DNAH3: variants seen among roughly 807,000 people sequenced by gnomAD.
The protein encoded by DNAH3 is axonemal beta dynein heavy chain 3.
In DNAH3, 332 loss-of-function variants were observed where a neutral mutation model predicts 432.5. That is an observed-to-expected ratio of 0.77 (90% CI 0.70 to 0.84). The LOEUF (loss-of-function observed/expected upper bound fraction) is 0.84. Ranked by LOEUF, DNAH3 falls within the 40% of genes least tolerant of loss-of-function variation. The pLI is 0.00. For synonymous variants in DNAH3, 1,956 were observed against 1,900.2 expected (o/e 1.03, Z -0.76); for missense variants, 4,861 against 5,114.0 (o/e 0.95, Z 1.51).
In DNAH3 at chr16:21,062,698, A is replaced by T. The variant is rs1490788087; in HGVS notation, c.3519-15T>A. 6.2e-7 allele frequency: 1 copy of T among 1,603,456 alleles called. No homozygotes were observed. Among genetic ancestry groups the T allele is most frequent in the Non-Finnish European group, 8.5e-7 (1 of 1,173,522 alleles). On this transcript the variant is annotated splice_polypyrimidine_tract_variant and intron_variant, in intron 24 of 61. Coordinates refer to ENST00000261383, the Ensembl canonical transcript of DNAH3. Reference sequence around the variant, plus strand: ...GGAAGAAGAATCTATTTCAAAGCAAAGAAAGATGGTAACTGGAACCTCTTC... The same window carrying T: ...GGAAGAAGAATCTATTTCAAAGCAATGAAAGATGGTAACTGGAACCTCTTC...
intron 1 of DNAH3, among the ~76,000 whole-genome samples, chr16:21,148,062 G>A (rs1008450201): frequency 8.5e-5 from 13 of 152,114 alleles, no homozygotes; most frequent in African/African-American, 2.2e-4. Context: ...AGCCAACATC[G>A]TATCAGTGTG....
chr16:21,017,609 C>T (rs2087924110), intron 41 of DNAH3, among the ~76,000 whole-genome samples: 1 of 152,192 alleles, frequency 6.6e-6, no homozygotes, highest in African/African-American at 2.4e-5. Context: ...CGTGCTCTGG[C>T]CACCTTGGGC....
rs1249324512 is a variant in DNAH3 at position 21,048,852 on chromosome 16, C to T, written c.4461+717G>A. 2.6e-5 allele frequency among the ~76,000 whole-genome samples: 4 copies of T among 152,046 alleles called. No individual in the cohort carries two copies. In the East Asian group the frequency reaches 5.8e-4, roughly 22 times the overall value. On this transcript the variant is annotated intron_variant, in intron 31 of 61. Coordinates refer to ENST00000261383, the Ensembl canonical transcript of DNAH3. ...GGGGTTACAGGCACTCACCACCATG[C>T]CCAGCTGATTTTTATATTTTTAGTA...
intron 55 of DNAH3, 116 bp from the exon 56 acceptor site, chr16:20,952,665 G>C (rs1308010141): frequency 2.9e-6 from 2 of 697,214 alleles, no homozygotes; most frequent in East Asian, 5.3e-5. Flanking sequence ...TCAGGCTCAT[G>C]AATATCAAGC....
intron 58 of DNAH3, among the ~76,000 whole-genome samples, chr16:20,942,676 T>A (rs1192681225): frequency 6.6e-6 from 1 of 152,138 alleles, no homozygotes; most frequent in Admixed American, 6.5e-5. Flanking sequence ...TGGCTCTGGT[T>A]CTGGCTCCGT....
Position 21,064,863 on chromosome 16 carries a change from GTGTGTGTGTGTGTGTGT to G in DNAH3, c.3519-2197_3519-2181del, listed in dbSNP as rs2090487828. 7.5e-5 allele frequency among the ~76,000 whole-genome samples: 5 copies of G among 66,532 alleles called. No individual in the cohort carries two copies. In the South Asian group the frequency reaches 1.8e-3, roughly 24 times the overall value. The allele number at this position is 66,532 out of a possible 152,430, so 43.6% of individuals were successfully genotyped here. A position where few individuals can be genotyped will look rare whatever the true frequency, so the allele number is the denominator to read the frequency against. ...AAAATGCATAAATATTGAGGTAGGT[GTGTGTGTGTGTGTGTGT>G]GTGTGTGTGTGTGTGTGTGTGTTTA... On this transcript the variant is annotated intron_variant, in intron 24 of 61. Coordinates refer to ENST00000261383, the Ensembl canonical transcript of DNAH3.
intron 12 of DNAH3, among the ~76,000 whole-genome samples, chr16:21,113,123 G>A (rs1333673910): frequency 1.3e-5 from 2 of 152,092 alleles, no homozygotes; most frequent in Admixed American, 6.6e-5. Flanking sequence ...GAAATGTGAG[G>A]ACATGAGATT....
intron 26 of DNAH3, 148 bp downstream of exon 26, chr16:21,060,116 G>C (rs1252700344): frequency 2.3e-5 from 15 of 658,884 alleles, no homozygotes; most frequent in Admixed American, 2.3e-5. Context: ...TTGCCCCAGG[G>C]TTCACAAGTG....
At chr16:21,121,955 C>A (rs1337226384) in exon 10 of DNAH3, 1 of 1,610,370 alleles carries the variant, frequency 6.2e-7, no homozygotes, top group Admixed American at 1.7e-5. Context: ...CTTGGGGATC[C>A]CATTAGAGTT....
Position 21,062,467 on chromosome 16 carries a change from G to T in DNAH3, c.3720+15C>A. 1.9e-6 allele frequency: 3 copies of T among 1,612,256 alleles called. No homozygotes were observed. The highest frequency in any genetic ancestry group is 2.5e-6 in the Non-Finnish European group (3 of 1,178,406). On this transcript the variant is annotated intron_variant, in intron 25 of 61. Transcript: ENST00000261383. ...GTTATGGAGAAAAGAACCAAAAATG[G>T]GTAAGAGGAGTTACCTTGGCATTAG...
chr16:20,963,803 C>T lies in DNAH3; in HGVS notation c.10081G>A (p.Val3361Met), dbSNP rs553011109. 764 of 1,613,966 alleles carry T rather than the reference C, an allele frequency of 4.7e-4. 13 individuals carry two copies. In the South Asian group the frequency reaches 7.9e-3, roughly 17 times the overall value. ...TCCTTCTCAAACAGAGAACGGCACA[C>T]GTTGTTGTAGATGCTCAGGGTGAAA... The change falls in exon 53 of 62, where the codon GTG (valine) becomes ATG (methionine). Residue 3361 changes from valine (V) to methionine (M), a missense_variant. By Grantham distance (21) the Val-to-Met change is conservative (BLOSUM62 1). Transcript: ENST00000261383.
chr16:21,040,358 ATTTTT>A lies in DNAH3; in HGVS notation c.4639-420_4639-416del, dbSNP rs55797285. Among the ~76,000 whole-genome samples the A allele has an allele frequency of 6.1e-4, 49 of 79,742 alleles. 6 individuals carry two copies. Among genetic ancestry groups the A allele is most frequent in the African/African-American group, 2.4e-3 (42 of 17,758 alleles). The allele number at this position is 79,742 out of a possible 152,430, so 52.3% of individuals were successfully genotyped here. ...TCAGAAGAATCCCAAAGCCAGACAGATTTTTTTTTTTTTTTTTTTTTTTTTTTTAA... is the reference window on the plus strand; with the variant it reads ...TCAGAAGAATCCCAAAGCCAGACAGATTTTTTTTTTTTTTTTTTTTTTTAA... On this transcript the variant is annotated intron_variant, in intron 32 of 61. Transcript: ENST00000261383.
intron 56 of DNAH3, among the ~76,000 whole-genome samples, chr16:20,950,379 G>C (rs937750568): frequency 6.6e-6 from 1 of 152,192 alleles, no homozygotes; most frequent in East Asian, 1.9e-4. Flanking sequence ...ATCGTAGACT[G>C]TTCAGTAGCA....
rs375157458 is a variant in DNAH3, at chr16:21,117,348, T to G, written c.1700-31A>C. 3 of 1,450,520 alleles carry G rather than the reference T, an allele frequency of 2.1e-6. No individual in the cohort carries two copies. The highest frequency in any genetic ancestry group is 2.9e-6 in the Non-Finnish European group (3 of 1,035,616). 89.9% of individuals were successfully genotyped at this position (1,450,520 alleles called of 1,614,324 possible). On this transcript the variant is annotated intron_variant, in intron 11 of 61. Coordinates refer to ENST00000261383, the Ensembl canonical transcript of DNAH3. Reference sequence around the variant, plus strand: ...AACAGGACAGATTCCACCTGAAGAGTAAACACCACTTTTGCATGTTGCAAG... The same window carrying G: ...AACAGGACAGATTCCACCTGAAGAGGAAACACCACTTTTGCATGTTGCAAG...
At chr16:21,074,495 C>G (rs1456616300) in intron 21 of DNAH3, among the ~76,000 whole-genome samples, 4 of 152,136 alleles carry the variant, frequency 2.6e-5, no homozygotes, top group African/African-American at 9.7e-5. Flanking sequence ...GGGCAGATCA[C>G]TTGAGGTCAG....
intron 7 of DNAH3, chr16:21,129,440 C>A (rs1407453180): frequency 6.6e-6 from 1 of 152,088 alleles, no homozygotes; most frequent in Non-Finnish European, 1.5e-5. Context: ...TCAAGAAATG[C>A]ACCCTGGGGC....
intron 20 of DNAH3, among the ~76,000 whole-genome samples, chr16:21,078,003 C>T (rs969633070): frequency 3.3e-5 from 5 of 152,030 alleles, no homozygotes; most frequent in Admixed American, 6.6e-5. Flanking sequence ...AGGCCAGGCA[C>T]GGTGGCTCAC....
In DNAH3 at chr16:20,938,202, G is replaced by A. The variant is rs372421590; in HGVS notation, c.11655-1349C>T. Among the ~76,000 whole-genome samples the A allele has an allele frequency of 9.5e-4, 145 of 152,220 alleles. 4 individuals carry two copies. In the South Asian group the frequency reaches 0.029, roughly 31 times the overall value. On this transcript the variant is annotated intron_variant, in intron 59 of 61. Transcript: ENST00000261383. Reference sequence around the variant, plus strand: ...AGGTCAGGAGTTTGAGACCAGCCTGGCCAACATGGTTAAACCCCGTCTGTA... The same window carrying A: ...AGGTCAGGAGTTTGAGACCAGCCTGACCAACATGGTTAAACCCCGTCTGTA...
chr16:21,078,128 A>T (rs1443971232), intron 20 of DNAH3, among the ~76,000 whole-genome samples: 2 of 151,954 alleles, frequency 1.3e-5, no homozygotes, highest in Non-Finnish European at 2.9e-5. Flanking sequence ...ATACAAAATT[A>T]GCCAGGCATG....
Sources: gnomAD v4.1 joint callset for allele counts (sites outside exome capture counted in the v4.1 genomes callset) on GRCh38, gnomAD v4.1.1 for gene constraint, MANE v1.5 for transcripts, NCBI Gene and HGNC (gene_info 2026-07-23, HGNC 2026-07-21) for gene names.